SIM2: variants seen among roughly 807,000 people sequenced by gnomAD.
The protein encoded by SIM2 is SIM bHLH transcription factor 2.
Under a neutral mutation model 64.8 loss-of-function variants are expected in SIM2, and 28 were observed. The ratio of observed to expected loss-of-function variants is 0.43; its 90% CI spans 0.32 to 0.59. SIM2 has a LOEUF of 0.59. Among genes scored for constraint, SIM2 ranks in the 20% least tolerant of loss-of-function variants. SIM2 has a pLI of 0.07. For synonymous variants in SIM2, 408 were observed against 391.1 expected (o/e 1.04, Z -0.51); for missense variants, 847 against 871.4 (o/e 0.97, Z 0.35).
In SIM2 at chr21:36,741,986, T is replaced by G. The variant is rs560940910; in HGVS notation, c.998+122T>G. ...CAAACTGTTCATTTGTCTTCTGTTT[T>G]TTTTCTTTTTTTTAATTTTTTTTTT... is the stretch of plus-strand genomic sequence containing the variant. On this transcript the variant is annotated intron_variant, in intron 8 of 10. Coordinates refer to ENST00000290399, the MANE Select transcript of SIM2 (RefSeq NM_005069.6). 4.5e-6 allele frequency: 5 copies of G among 1,114,092 alleles called. No homozygotes were observed. The East Asian group carries it at 1.4e-4, about 32-fold the overall frequency. 69.0% of individuals were successfully genotyped at this position (1,114,092 alleles called of 1,614,324 possible). A position where few individuals can be genotyped will look rare whatever the true frequency, so the allele number is the denominator to read the frequency against.
At chr21:36,706,869 T>C (rs2088591408) in intron 1 of SIM2, among the ~76,000 whole-genome samples, 1 of 152,334 alleles carries the variant, frequency 6.6e-6, no homozygotes, top group South Asian at 2.1e-4. Context: ...AAAACTATAA[T>C]GATCTAAAAG....
At chr21:36,707,315 C>T (rs958413966) in intron 1 of SIM2, among the ~76,000 whole-genome samples, 2 of 152,164 alleles carry the variant, frequency 1.3e-5, no homozygotes, top group African/African-American at 4.8e-5. Flanking sequence ...GCTGCCGCCA[C>T]GAGGCCTGGG....
intron 1 of SIM2, among the ~76,000 whole-genome samples, chr21:36,708,642 T>G (rs1377134816): frequency 2.7e-5 from 4 of 147,226 alleles, no homozygotes; most frequent in Non-Finnish European, 3.0e-5. Context: ...GTGTAGGGGG[T>G]TTTTTATGCG....
At chr21:36,712,898 C>T (rs1446155207) in intron 3 of SIM2, among the ~76,000 whole-genome samples, 1 of 152,208 alleles carries the variant, frequency 6.6e-6, no homozygotes, top group African/African-American at 2.4e-5. Flanking sequence ...AAAACCCGGA[C>T]TATCTGCTTA....
At chr21:36,738,000 A>AAAAAAAAAACC (rs1168900512) in intron 7 of SIM2, among the ~76,000 whole-genome samples, 1 of 151,022 alleles carries the variant, frequency 6.6e-6, no homozygotes. Flanking sequence ...AAAAGCAAAA[A>AAAAAAAAAACC]GAAAAAAGCA....
chr21:36,703,115 T>A (rs970731180), intron 1 of SIM2, among the ~76,000 whole-genome samples: 1 of 152,100 alleles, frequency 6.6e-6, no homozygotes, highest in Non-Finnish European at 1.5e-5. Context: ...ATGTTCTCAC[T>A]CCACTGCACC....
chr21:36,727,941 T>C (rs1396872045), intron 6 of SIM2, among the ~76,000 whole-genome samples: 2 of 152,146 alleles, frequency 1.3e-5, no homozygotes, highest in African/African-American at 2.4e-5. Context: ...TCAGGACCAC[T>C]CAGAAGCAGG....
At chr21:36,743,002 T>C (rs2089182906) in intron 8 of SIM2, among the ~76,000 whole-genome samples, 1 of 152,154 alleles carries the variant, frequency 6.6e-6, no homozygotes, top group Admixed American at 6.5e-5. Context: ...TCTTGCCTCC[T>C]GGGGTGCTAA....
At chr21:36,712,694 C>A in intron 3 of SIM2, 72 bp downstream of exon 3, 1 of 1,018,614 alleles carries the variant, frequency 9.8e-7, no homozygotes, top group Non-Finnish European at 1.5e-6. Flanking sequence ...CAGCCTCACC[C>A]AACTTGAAAA....
intron 6 of SIM2, among the ~76,000 whole-genome samples, chr21:36,727,702 A>G (rs1336168281): frequency 6.6e-6 from 1 of 152,166 alleles, no homozygotes; most frequent in African/African-American, 2.4e-5. Context: ...TGTGTGTGCG[A>G]TGAGTCTTTG....
intron 1 of SIM2, among the ~76,000 whole-genome samples, chr21:36,705,182 CG>C (rs758992261): frequency 1.5e-3 from 221 of 152,296 alleles, no homozygotes; most frequent in Non-Finnish European, 2.4e-3. Context: ...ACGCCGAGGT[CG>C]GGGGTGGCGG....
At chr21:36,719,135 C>T (rs894548143) in intron 3 of SIM2, among the ~76,000 whole-genome samples, 30 of 152,220 alleles carry the variant, frequency 2.0e-4, no homozygotes, top group African/African-American at 5.8e-4. Context: ...CAGACCCTCC[C>T]GCAGGGCACG....
At chr21:36,728,299 T>C (rs1003830945) in intron 6 of SIM2, among the ~76,000 whole-genome samples, 8 of 152,180 alleles carry the variant, frequency 5.3e-5, no homozygotes, top group African/African-American at 1.9e-4. Flanking sequence ...CCCCTGAGAC[T>C]GATGAATTCT....
chr21:36,719,759 C>G (rs535495617), intron 3 of SIM2, 62 bp from the exon 4 acceptor site: 51 of 977,976 alleles, frequency 5.2e-5, no homozygotes, highest in Non-Finnish European at 8.0e-5. Flanking sequence ...CACACCTTGC[C>G]CCTCCCCCTG....
At chr21:36,728,962 T>C (rs1325798984) in intron 6 of SIM2, among the ~76,000 whole-genome samples, 1 of 152,236 alleles carries the variant, frequency 6.6e-6, no homozygotes, top group East Asian at 1.9e-4. Context: ...AAACTGGAGC[T>C]GATGCTTTTG....
intron 4 of SIM2, among the ~76,000 whole-genome samples, chr21:36,722,360 A>G (rs1332472979): frequency 6.6e-6 from 1 of 152,172 alleles, no homozygotes; most frequent in Non-Finnish European, 1.5e-5. Flanking sequence ...CTTTGCTTCC[A>G]TTCCTAGTGG....
rs572270415 is a variant in SIM2 at position 36,731,051 on chromosome 21, C to G, written c.750C>G (p.Thr250=). Residue 250 remains threonine (T), a synonymous_variant, in exon 7 of 11, where the codon ACC becomes ACG. Transcript: ENST00000290399. ...LKLIFLDSRV[T]EVTGYEPQDL... ...AGCTGCCATGCCCCCACAGGGTGAC[C>G]GAGGTGACGGGGTACGAGCCGCAGG... The G allele has an allele frequency of 2.5e-6, 4 of 1,613,466 alleles. No homozygotes were observed. In the East Asian group the frequency reaches 6.7e-5, roughly 27 times the overall value.
At chr21:36,736,738 C>CT (rs2089054819) in intron 7 of SIM2, among the ~76,000 whole-genome samples, 1 of 146,142 alleles carries the variant, frequency 6.8e-6, no homozygotes, top group Non-Finnish European at 1.5e-5. Flanking sequence ...CCCTCCTTCC[C>CT]TTCCCTTTCC....
intron 2 of SIM2, chr21:36,709,767 T>C (rs2845802): frequency 0.032 from 8,525 of 268,114 alleles, 160 homozygotes; most frequent in African/African-American, 0.039. Context: ...CCGGACCTTA[T>C]TGACTTCCCC....
Sources: allele counts gnomAD v4.1 joint callset (sites outside exome capture counted in the v4.1 genomes callset), GRCh38; gene constraint gnomAD v4.1.1; transcripts MANE v1.5; gene names NCBI Gene and HGNC (gene_info 2026-07-23, HGNC 2026-07-21).